SYT16: variants seen among roughly 807,000 people sequenced by gnomAD.
The protein encoded by SYT16 is synaptotagmin 16.
Under a neutral mutation model 61.4 loss-of-function variants are expected in SYT16, and 42 were observed. That is an observed-to-expected ratio of 0.68 (90% CI 0.53 to 0.89). SYT16 has a LOEUF of 0.89. SYT16 is among the 40% of genes least tolerant of loss of function. The probability of loss-of-function intolerance (pLI) is 0.00; values close to 1 mark genes in which losing one functional copy is unlikely to be tolerated. For missense variants in SYT16, 804 were observed against 807.3 expected (o/e 1.00, Z 0.05); for synonymous variants, 314 against 302.3 (o/e 1.04, Z -0.40).
Position 62,049,254 on chromosome 14 carries a change from C to G in SYT16, c.524-20349C>G, listed in dbSNP as rs559611451. Among the ~76,000 whole-genome samples the G allele has an allele frequency of 3.1e-4, 47 of 152,216 alleles. No homozygotes were observed. The South Asian group carries it at 4.4e-3, about 14-fold the overall frequency. On this transcript the variant is annotated intron_variant, in intron 3 of 7. Coordinates refer to ENST00000683842, the MANE Select transcript of SYT16 (RefSeq NM_001367656.1). The stretch of plus-strand genomic sequence containing the variant: ...AATGGCCTTCTTTGTCTCTTTTGAT[C>G]TTTGTTGGTTTAAAGTCTGTTTTAT...
At chr14:62,084,982 G>T (rs1409432046) in intron 7 of SYT16, among the ~76,000 whole-genome samples, 1 of 152,200 alleles carries the variant, frequency 6.6e-6, no homozygotes, top group East Asian at 1.9e-4. Flanking sequence ...ACAGAGAAAG[G>T]AAGTAAAGGA....
intron 1 of SYT16, among the ~76,000 whole-genome samples, chr14:61,845,428 T>C (rs2140260746): frequency 6.6e-6 from 1 of 152,296 alleles, no homozygotes; most frequent in East Asian, 1.9e-4. Flanking sequence ...TCTTGGTAGG[T>C]TGTATGTGTC....
intron 3 of SYT16, among the ~76,000 whole-genome samples, chr14:62,004,563 T>C (rs955046053): frequency 6.6e-6 from 1 of 152,072 alleles, no homozygotes; most frequent in Admixed American, 6.6e-5. Flanking sequence ...GGAGGCTAAA[T>C]TGGAGGGGAG....
intron 1 of SYT16, among the ~76,000 whole-genome samples, chr14:61,939,579 T>C (rs1306718431): frequency 2.6e-5 from 4 of 152,200 alleles, no homozygotes; most frequent in African/African-American, 9.7e-5. Flanking sequence ...CGTGTGTACA[T>C]GCCTGTGGCC....
chr14:62,042,846 T>A (rs1280593092), intron 3 of SYT16, among the ~76,000 whole-genome samples: 1 of 152,198 alleles, frequency 6.6e-6, no homozygotes, highest in Non-Finnish European at 1.5e-5. Context: ...CTCTGAGCTG[T>A]GGCCTGGTAA....
chr14:61,898,424 C>T (rs898368109), intron 1 of SYT16, among the ~76,000 whole-genome samples: 2 of 152,174 alleles, frequency 1.3e-5, no homozygotes, highest in Non-Finnish European at 2.9e-5. Context: ...GTATAACCCC[C>T]TCCACCCCAT....
chr14:62,033,220 A>G (rs531964525), intron 3 of SYT16, among the ~76,000 whole-genome samples: 27 of 36,828 alleles, frequency 7.3e-4, no homozygotes, highest in South Asian at 1.3e-3. Context: ...TTATAAATCA[A>G]AATAAGAATG....
chr14:62,078,159 A>G (rs143458574), intron 5 of SYT16, among the ~76,000 whole-genome samples: 3 of 137,804 alleles, frequency 2.2e-5, no homozygotes, highest in Non-Finnish European at 4.6e-5. Flanking sequence ...CTCTCTCTAT[A>G]TATATATATA....
chr14:61,901,163 G>A (rs2048500445), intron 1 of SYT16, among the ~76,000 whole-genome samples: 1 of 152,178 alleles, frequency 6.6e-6, no homozygotes, highest in South Asian at 2.1e-4. Flanking sequence ...TGCACTATCT[G>A]CTCTAATACC....
chr14:62,029,670 G>A (rs1165411171), intron 3 of SYT16, among the ~76,000 whole-genome samples: 2 of 152,096 alleles, frequency 1.3e-5, no homozygotes, highest in African/African-American at 2.4e-5. Flanking sequence ...ATTCATAACA[G>A]GTGGTTTGCT....
chr14:61,895,871 T>C (rs1487844838), intron 1 of SYT16, among the ~76,000 whole-genome samples: 1 of 152,198 alleles, frequency 6.6e-6, no homozygotes, highest in South Asian at 2.1e-4. Context: ...ATATTAGTTA[T>C]TTAGGAATTT....
At chr14:61,904,573 A>C (rs1022614641) in intron 1 of SYT16, among the ~76,000 whole-genome samples, 5 of 152,164 alleles carry the variant, frequency 3.3e-5, no homozygotes, top group Admixed American at 6.5e-5. Context: ...ATGTGGAGCT[A>C]ATGATTGTAA....
In SYT16 at chr14:62,063,439, C is replaced by G. The variant is rs902028674; in HGVS notation, c.524-6164C>G. Among the ~76,000 whole-genome samples the G allele has an allele frequency of 5.3e-5, 8 of 152,262 alleles. No homozygotes were observed. The East Asian group carries it at 1.5e-3, about 29-fold the overall frequency. ...CTTTACGTGGCTTATCTCATTTAGT[C>G]TTCTCAACAATTTTAAGAGGTAAGG... On this transcript the variant is annotated intron_variant, in intron 3 of 7. Transcript: ENST00000683842.
chr14:61,881,157 C>A (rs552906537), intron 1 of SYT16, among the ~76,000 whole-genome samples: 1 of 152,132 alleles, frequency 6.6e-6, no homozygotes, highest in Admixed American at 6.5e-5. Context: ...TTGCAAAGTT[C>A]CCTTTCTTAA....
chr14:61,983,437 T>A (rs1338688522), intron 2 of SYT16, among the ~76,000 whole-genome samples: 3 of 152,196 alleles, frequency 2.0e-5, no homozygotes, highest in South Asian at 2.1e-4. Context: ...TGAAAAACAT[T>A]TTGAATCTTA....
At chr14:61,848,846 T>G (rs1220455502) in intron 1 of SYT16, among the ~76,000 whole-genome samples, 1 of 152,144 alleles carries the variant, frequency 6.6e-6, no homozygotes, top group East Asian at 1.9e-4. Flanking sequence ...CAAGCCCCCT[T>G]TACCTTTCCC....
chr14:62,078,178 C>CAT (rs1473303624), intron 5 of SYT16, among the ~76,000 whole-genome samples: 1 of 147,146 alleles, frequency 6.8e-6, no homozygotes, highest in African/African-American at 2.6e-5. Context: ...TATAAACACA[C>CAT]ACACACACAC....
chr14:62,025,148 CA>C (rs1296885869), intron 3 of SYT16, among the ~76,000 whole-genome samples: 4 of 152,048 alleles, frequency 2.6e-5, no homozygotes, highest in African/African-American at 9.7e-5. Context: ...GACAAATACA[CA>C]ATTGTTGTAT....
chr14:61,843,870 T>A (rs533492926), intron 1 of SYT16, among the ~76,000 whole-genome samples: 1 of 152,316 alleles, frequency 6.6e-6, no homozygotes, highest in South Asian at 2.1e-4. Flanking sequence ...TTGCTTAGGA[T>A]CATTTTGGCT....
Sources: gnomAD v4.1 joint callset for allele counts (sites outside exome capture counted in the v4.1 genomes callset) on GRCh38, gnomAD v4.1.1 for gene constraint, MANE v1.5 for transcripts, NCBI Gene and HGNC (gene_info 2026-07-23, HGNC 2026-07-21) for gene names.